EYS: variants seen among roughly 807,000 people sequenced by gnomAD.
EYS encodes the protein EGF-like photoreceptor maintenance factor, also known as protein eyes shut homolog.
A neutral mutation model predicts 282.1 loss-of-function variants in EYS; 250 were observed. The ratio of observed to expected loss-of-function variants is 0.89; its 90% CI spans 0.80 to 0.98. The LOEUF (loss-of-function observed/expected upper bound fraction) is 0.98, where lower values mean the gene tolerates loss of function less well. Ranked by LOEUF, EYS falls within the 50% of genes least tolerant of loss-of-function variation. The pLI is 0.00. For missense variants in EYS, 4,016 were observed against 3,709.0 expected, an observed-to-expected ratio of 1.08 and a Z score of -2.15; for synonymous variants, 1,355 against 1,282.9, an observed-to-expected ratio of 1.06 and a Z score of -1.20.
intron 31 of EYS, among the ~76,000 whole-genome samples, chr6:64,207,715 T>G (rs1398614811): frequency 6.6e-6 from 1 of 152,168 alleles, no homozygotes; most frequent in Non-Finnish European, 1.5e-5. Context: ...CGGAGTGCAG[T>G]GGTGCGACCT....
At chr6:65,686,395 T>C (rs1455348646) in intron 1 of EYS, among the ~76,000 whole-genome samples, 1 of 152,066 alleles carries the variant, frequency 6.6e-6, no homozygotes, top group East Asian at 1.9e-4. Flanking sequence ...CATTTTTTAG[T>C]AATTATTATT....
chr6:64,501,313 T>C (rs1777034737), intron 26 of EYS, among the ~76,000 whole-genome samples: 2 of 152,026 alleles, frequency 1.3e-5, no homozygotes, highest in African/African-American at 4.8e-5. Context: ...AAATAAGTAA[T>C]GATATCTGAA....
chr6:65,550,413 G>A (rs1350696629), intron 2 of EYS, among the ~76,000 whole-genome samples: 1 of 8,998 alleles, frequency 1.1e-4, no homozygotes, highest in Non-Finnish European at 1.4e-4. Flanking sequence ...ATGTATACAT[G>A]TGCCATGCTG....
rs1268901566 is a variant in EYS, at chr6:64,843,851, G to A, written c.2993-21029C>T. Among the ~76,000 whole-genome samples, 5 of 152,106 alleles carry A rather than the reference G, an allele frequency of 3.3e-5. No homozygotes were observed. In the East Asian group the frequency reaches 9.7e-4, roughly 29 times the overall value. On this transcript the variant is annotated intron_variant, in intron 19 of 42. Transcript: ENST00000503581. ...GTGGAATGATATGGTTTGGCTATGT[G>A]TCCCCACCCAAATCTCATCTTGAAT...
chr6:65,323,901 G>T (rs1438142611), intron 11 of EYS, among the ~76,000 whole-genome samples: 3 of 151,798 alleles, frequency 2.0e-5, no homozygotes, highest in Admixed American at 6.6e-5. Context: ...CAGAGCATTA[G>T]TAGGGCTTCT....
chr6:64,068,455 T>C (rs916294700), intron 32 of EYS, among the ~76,000 whole-genome samples: 5 of 151,316 alleles, frequency 3.3e-5, no homozygotes, highest in African/African-American at 1.2e-4. Flanking sequence ...AATCAATTTA[T>C]GTATTGTTTC....
At chr6:64,296,760 C>A (rs1769043071) in intron 30 of EYS, among the ~76,000 whole-genome samples, 1 of 151,482 alleles carries the variant, frequency 6.6e-6, no homozygotes. Flanking sequence ...GTGTGTGCAA[C>A]CAAGCCAGGC....
intron 31 of EYS, among the ~76,000 whole-genome samples, chr6:64,176,560 T>C (rs1438234771): frequency 6.6e-6 from 1 of 151,972 alleles, no homozygotes; most frequent in African/African-American, 2.4e-5. Context: ...GAAGTTTCTT[T>C]TGAAATTTGG....
chr6:64,344,789 T>A (rs930542644), intron 29 of EYS, among the ~76,000 whole-genome samples: 25 of 152,040 alleles, frequency 1.6e-4, no homozygotes, highest in Admixed American at 5.9e-4. Context: ...TGATTTTATA[T>A]CTAGAAAACC....
chr6:65,406,524 C>A (rs560645736), intron 5 of EYS, among the ~76,000 whole-genome samples: 1 of 152,084 alleles, frequency 6.6e-6, no homozygotes, highest in African/African-American at 2.4e-5. Flanking sequence ...GTCATGAAGA[C>A]ATTTTAATAT....
chr6:65,069,752 G>C (rs919414818), intron 12 of EYS, among the ~76,000 whole-genome samples: 1 of 151,792 alleles, frequency 6.6e-6, no homozygotes, highest in Non-Finnish European at 1.5e-5. Flanking sequence ...TTGACTCCAA[G>C]TTTACATCCT....
chr6:63,899,228 T>G (rs1773605647), intron 35 of EYS, among the ~76,000 whole-genome samples: 1 of 152,180 alleles, frequency 6.6e-6, no homozygotes, highest in African/African-American at 2.4e-5. Context: ...TACTGCCTAT[T>G]AATGTACTTC....
At chr6:64,304,482 A>G (rs1341737707) in intron 30 of EYS, among the ~76,000 whole-genome samples, 1 of 152,204 alleles carries the variant, frequency 6.6e-6, no homozygotes, top group African/African-American at 2.4e-5. Flanking sequence ...AACAGCATAC[A>G]CATTCTTAAA....
intron 31 of EYS, among the ~76,000 whole-genome samples, chr6:64,203,063 G>A (rs1765511246): frequency 2.0e-5 from 3 of 152,198 alleles, no homozygotes; most frequent in Non-Finnish European, 2.9e-5. Flanking sequence ...AAGGTGGCAC[G>A]ACAAGAGTTT....
chr6:65,500,745 A>G (rs765680488), intron 2 of EYS, among the ~76,000 whole-genome samples: 11 of 151,966 alleles, frequency 7.2e-5, no homozygotes, highest in Non-Finnish European at 1.5e-4. Context: ...CCTTCATTCA[A>G]TTCCCTCTTA....
At chr6:64,688,161 T>G (rs978540059) in intron 22 of EYS, among the ~76,000 whole-genome samples, 15 of 152,096 alleles carry the variant, frequency 9.9e-5, no homozygotes, top group African/African-American at 3.4e-4. Flanking sequence ...CTTGTGGATC[T>G]TTTCAAAAAA....
intron 22 of EYS, among the ~76,000 whole-genome samples, chr6:64,784,601 T>C (rs1457183585): frequency 6.6e-6 from 1 of 152,120 alleles, no homozygotes; most frequent in Non-Finnish European, 1.5e-5. Context: ...TAATTACTTG[T>C]TGAGTAAATT....
intron 31 of EYS, among the ~76,000 whole-genome samples, chr6:64,097,033 C>G (rs1291014184): frequency 3.3e-5 from 5 of 152,042 alleles, no homozygotes; most frequent in Non-Finnish European, 5.9e-5. Context: ...ACCCTTTTTG[C>G]CTGGGTATCA....
intron 22 of EYS, among the ~76,000 whole-genome samples, chr6:64,689,632 T>C (rs1443801179): frequency 6.6e-6 from 1 of 152,020 alleles, no homozygotes; most frequent in African/African-American, 2.4e-5. Context: ...AACAGAGATA[T>C]AGGGCAATGG....
Sources: allele counts gnomAD v4.1 joint callset (sites outside exome capture counted in the v4.1 genomes callset), GRCh38; gene constraint gnomAD v4.1.1; transcripts MANE v1.5; gene names NCBI Gene and HGNC (gene_info 2026-07-23, HGNC 2026-07-21).